Variants in TAFA2 observed in about 807,000 individuals in gnomAD.
The protein encoded by TAFA2 is chemokine-like protein TAFA-2.
A neutral mutation model predicts 18.8 loss-of-function variants in TAFA2; 7 were observed. That is an observed-to-expected ratio of 0.37 (90% confidence interval 0.21 to 0.70). TAFA2 has a LOEUF of 0.70. TAFA2 is among the 30% of genes least tolerant of loss of function. The pLI is 0.53. For synonymous variants in TAFA2, 60 were observed against 54.2 expected, an observed-to-expected ratio of 1.11 and a Z score of -0.47; for missense variants, 122 against 158.1, an observed-to-expected ratio of 0.77 and a Z score of 1.23.
chr12:61,736,535 C>T (rs1055412881), intron 4 of TAFA2, among the ~76,000 whole-genome samples: 4 of 151,980 alleles, frequency 2.6e-5, no homozygotes, highest in African/African-American at 9.7e-5. Context: ...CATGCTTAGA[C>T]TGTCTTCTTT....
chr12:62,252,273 C>T (rs1324203939), intron 1 of TAFA2: 1 of 152,186 alleles, frequency 6.6e-6, no homozygotes, highest in African/African-American at 2.4e-5. Context: ...TTTGCCATCA[C>T]TGTATAAGAG....
intron 2 of TAFA2, among the ~76,000 whole-genome samples, chr12:61,765,401 G>A (rs59044639): frequency 0.031 from 4,663 of 152,110 alleles, 240 homozygotes; most frequent in African/African-American, 0.11. Context: ...CATAGGCTAT[G>A]TTAAGCCAAT....
chr12:61,990,416 T>C (rs980753761), intron 1 of TAFA2, among the ~76,000 whole-genome samples: 2 of 141,356 alleles, frequency 1.4e-5, no homozygotes, highest in Non-Finnish European at 3.0e-5. Flanking sequence ...CTCGGCTCAC[T>C]GCAAGCTCTG....
In TAFA2 at chr12:61,808,133, G is replaced by A. The variant is rs540096116; in HGVS notation, c.107-53109C>T. 7.9e-5 allele frequency among the ~76,000 whole-genome samples: 12 copies of A among 151,696 alleles called. 1 individual carries two copies. The East Asian group carries it at 1.2e-3, about 15-fold the overall frequency. On this transcript the variant is annotated intron_variant, in intron 2 of 4. Transcript: ENST00000416284. ...CTGAAATCTCATCTTGAATTCCCAC[G>A]TTGTGGGAGGGACCCAGTGAAAGGT...
At chr12:61,790,988 G>A (rs1290445630) in intron 2 of TAFA2, among the ~76,000 whole-genome samples, 2 of 151,700 alleles carry the variant, frequency 1.3e-5, no homozygotes, top group Non-Finnish European at 2.9e-5. Flanking sequence ...GCCAAAATAG[G>A]ATGGTACTGA....
intron 1 of TAFA2, among the ~76,000 whole-genome samples, chr12:61,947,391 G>C (rs1223023305): frequency 6.6e-6 from 1 of 150,580 alleles, no homozygotes; most frequent in Non-Finnish European, 1.5e-5. Context: ...GCACCAGCAT[G>C]GCACATGTAT....
intron 2 of TAFA2, among the ~76,000 whole-genome samples, chr12:61,842,664 A>G (rs1306413550): frequency 6.6e-6 from 1 of 152,080 alleles, no homozygotes; most frequent in Non-Finnish European, 1.5e-5. Flanking sequence ...TCTTTTAAAA[A>G]TCTCAAAGGC....
At chr12:61,902,306 A>G (rs1490637011) in intron 1 of TAFA2, among the ~76,000 whole-genome samples, 1 of 152,170 alleles carries the variant, frequency 6.6e-6, no homozygotes, top group African/African-American at 2.4e-5. Context: ...AGATGTCAAT[A>G]CGTGACTTCT....
intron 1 of TAFA2, among the ~76,000 whole-genome samples, chr12:62,184,186 T>C (rs2062569454): frequency 6.6e-6 from 1 of 152,070 alleles, no homozygotes; most frequent in Non-Finnish European, 1.5e-5. Context: ...AGCAAACATA[T>C]CTTCAACTAG....
At position 61,935,156 on chromosome 12, in the gene TAFA2, T is replaced by G. The variant is rs966998513; in HGVS notation, c.-1-67730A>C. On this transcript the variant is annotated intron_variant, in intron 1 of 4. Coordinates refer to ENST00000416284, the MANE Select transcript of TAFA2 (RefSeq NM_178539.5). ...ATATCCTTACACTAAGAATGTTAAT[T>G]CTATGATGGTATATTTTATTTTTAG... is the stretch of plus-strand genomic sequence containing the variant. Among the ~76,000 whole-genome samples the G allele has an allele frequency of 7.2e-5, 11 of 152,334 alleles. No individual in the cohort carries two copies. The East Asian group carries it at 1.3e-3, about 19-fold the overall frequency.
At chr12:62,079,591 G>C (rs777127176) in intron 1 of TAFA2, among the ~76,000 whole-genome samples, 32 of 151,588 alleles carry the variant, frequency 2.1e-4, no homozygotes, top group Admixed American at 3.9e-4. Flanking sequence ...TTGAACCAGG[G>C]AAGTAGAGGT....
chr12:62,176,332 C>G (rs2062513313), intron 1 of TAFA2, among the ~76,000 whole-genome samples: 1 of 152,146 alleles, frequency 6.6e-6, no homozygotes, highest in Admixed American at 6.6e-5. Context: ...CATTTAGCAT[C>G]TAACTAGTCT....
intron 1 of TAFA2, among the ~76,000 whole-genome samples, chr12:62,188,948 T>C (rs993100831): frequency 1.3e-5 from 2 of 152,184 alleles, no homozygotes; most frequent in African/African-American, 4.8e-5. Flanking sequence ...TCAATGAATC[T>C]TCATTCTCCA....
At chr12:61,805,966 C>A (rs1056416730) in intron 2 of TAFA2, among the ~76,000 whole-genome samples, 5 of 152,102 alleles carry the variant, frequency 3.3e-5, no homozygotes, top group Non-Finnish European at 5.9e-5. Flanking sequence ...TTAGTCCCTA[C>A]AATCAAAACA....
chr12:61,859,693 C>A (rs921631276), intron 2 of TAFA2, among the ~76,000 whole-genome samples: 1 of 152,128 alleles, frequency 6.6e-6, no homozygotes, highest in Non-Finnish European at 1.5e-5. Context: ...CCGCCCGCCT[C>A]GGTCTCCCAA....
chr12:62,220,572 CTAA>C (rs2062756262), intron 1 of TAFA2, among the ~76,000 whole-genome samples: 1 of 152,108 alleles, frequency 6.6e-6, no homozygotes, highest in African/African-American at 2.4e-5. Flanking sequence ...AGGGTGGATC[CTAA>C]TAATAACTGT....
intron 1 of TAFA2, among the ~76,000 whole-genome samples, chr12:61,982,888 A>AAAAAAAAAG (rs1879687422): frequency 1.3e-5 from 2 of 151,000 alleles, no homozygotes; most frequent in African/African-American, 2.5e-5. Flanking sequence ...AAAAAAAAAA[A>AAAAAAAAAG]AAAAAAGTTA....
At chr12:61,962,538 G>A (rs988297379) in intron 1 of TAFA2, among the ~76,000 whole-genome samples, 1 of 151,822 alleles carries the variant, frequency 6.6e-6, no homozygotes, top group African/African-American at 2.4e-5. Context: ...ACATCCTCAT[G>A]GGAATTCTTT....
At chr12:61,889,470 T>C (rs1015084671) in intron 1 of TAFA2, among the ~76,000 whole-genome samples, 3 of 152,142 alleles carry the variant, frequency 2.0e-5, no homozygotes, top group African/African-American at 4.8e-5. Flanking sequence ...CCCTGAGAAG[T>C]TGGCTGGTTT....
Sources: gnomAD v4.1 joint callset for allele counts (sites outside exome capture counted in the v4.1 genomes callset) on GRCh38, gnomAD v4.1.1 for gene constraint, MANE v1.5 for transcripts, NCBI Gene and HGNC (gene_info 2026-07-23, HGNC 2026-07-21) for gene names.